CTNNA2: variants seen among roughly 807,000 people sequenced by gnomAD.
The protein encoded by CTNNA2 is catenin alpha 2.
In CTNNA2, 42 loss-of-function variants were observed where a neutral mutation model predicts 101.0. The ratio of observed to expected loss-of-function variants is 0.42; its 90% CI spans 0.32 to 0.54. CTNNA2 has a LOEUF of 0.54. Ranked by LOEUF, CTNNA2 falls within the 20% of genes least tolerant of loss-of-function variation. CTNNA2 has a pLI of 0.14. For missense variants in CTNNA2, 871 were observed against 1,223.1 expected (o/e 0.71, Z 4.29); for synonymous variants, 450 against 456.4 (o/e 0.99, Z 0.18).
intron 7 of CTNNA2, among the ~76,000 whole-genome samples, chr2:79,977,219 C>A: frequency 7.3e-6 from 1 of 137,318 alleles, no homozygotes; most frequent in East Asian, 2.1e-4. Context: ...CATGCATATG[C>A]ATGCACACAC....
intron 7 of CTNNA2, among the ~76,000 whole-genome samples, chr2:80,094,263 A>G (rs1699994405): frequency 6.6e-6 from 1 of 152,158 alleles, no homozygotes; most frequent in South Asian, 2.1e-4. Context: ...TAAATAGGGA[A>G]TCCTTTCCCC....
At chr2:80,418,119 G>A (rs1680198437) in intron 8 of CTNNA2, among the ~76,000 whole-genome samples, 1 of 152,132 alleles carries the variant, frequency 6.6e-6, no homozygotes, top group Non-Finnish European at 1.5e-5. Context: ...TGTTCTGGAA[G>A]AGAGCCACGG....
At chr2:80,427,899 G>T (rs1275775535) in intron 9 of CTNNA2, among the ~76,000 whole-genome samples, 1 of 152,202 alleles carries the variant, frequency 6.6e-6, no homozygotes, top group African/African-American at 2.4e-5. Flanking sequence ...TGCTCTCATG[G>T]GACATGCATT....
chr2:80,347,245 A>G (rs1001342972), intron 7 of CTNNA2, among the ~76,000 whole-genome samples: 9 of 152,212 alleles, frequency 5.9e-5, no homozygotes, highest in Non-Finnish European at 1.5e-5. Flanking sequence ...CGTGGGGATG[A>G]GTTGAATGTA....
intron 2 of CTNNA2, among the ~76,000 whole-genome samples, chr2:79,296,546 G>C (rs979263314): frequency 3.3e-5 from 5 of 151,998 alleles, no homozygotes; most frequent in Non-Finnish European, 5.9e-5. Flanking sequence ...ATGCACTCTA[G>C]CACCTACTAT....
At chr2:79,397,285 C>T (rs1678243478) in intron 4 of CTNNA2, among the ~76,000 whole-genome samples, 1 of 151,932 alleles carries the variant, frequency 6.6e-6, no homozygotes, top group African/African-American at 2.4e-5. Flanking sequence ...CTATAATTTC[C>T]CTACTATACT....
chr2:79,512,652 C>T (rs1199198942), upstream of CTNNA2, among the ~76,000 whole-genome samples: 1 of 151,906 alleles, frequency 6.6e-6, no homozygotes, highest in African/African-American at 2.4e-5. Context: ...GGTCCCCGCC[C>T]GCAGGGTAAC....
chr2:79,608,567 A>C (rs1178604458), intron 1 of CTNNA2, among the ~76,000 whole-genome samples: 1 of 152,068 alleles, frequency 6.6e-6, no homozygotes, highest in Non-Finnish European at 1.5e-5. Flanking sequence ...TATCATGACT[A>C]AGTGAGATTT....
intron 18 of CTNNA2, among the ~76,000 whole-genome samples, chr2:80,620,402 C>T (rs1393378091): frequency 1.3e-5 from 2 of 151,866 alleles, no homozygotes; most frequent in Non-Finnish European, 2.9e-5. Context: ...CAAAGTTATA[C>T]ACTTTTATAT....
intron 2 of CTNNA2, among the ~76,000 whole-genome samples, chr2:79,268,414 C>G (rs141991884): frequency 6.6e-5 from 10 of 152,198 alleles, no homozygotes; most frequent in Middle Eastern, 3.4e-3. Flanking sequence ...ATACCTCACC[C>G]CATGCACCTC....
At chr2:80,043,125 CCTTCCTTCCTTCCT>C (rs1696264855) in intron 7 of CTNNA2, among the ~76,000 whole-genome samples, 10 of 27,508 alleles carry the variant, frequency 3.6e-4, no homozygotes, top group South Asian at 1.2e-3. Context: ...CTTTCTCCTT[CCTTCCTTCCTTCCT>C]TCCTTCCTTC....
At chr2:79,394,781 A>T (rs1291664147) in intron 4 of CTNNA2, among the ~76,000 whole-genome samples, 1 of 97,918 alleles carries the variant, frequency 1.0e-5, no homozygotes, top group Admixed American at 1.0e-4. Flanking sequence ...CGTTTTACTT[A>T]AAAAAATTTT....
chr2:79,276,388 T>G (rs1388043569), intron 2 of CTNNA2, among the ~76,000 whole-genome samples: 1 of 152,246 alleles, frequency 6.6e-6, no homozygotes, highest in Middle Eastern at 3.4e-3. Flanking sequence ...TAATAGCTTT[T>G]GTTTGATCTA....
In CTNNA2 at chr2:79,778,631, C is replaced by T. The variant is rs192284627; in HGVS notation, c.298+34049C>T. Among the ~76,000 whole-genome samples, 41 of 152,090 alleles carry T rather than the reference C, an allele frequency of 2.7e-4. 1 individual carries two copies. The highest frequency in any genetic ancestry group is 1.4e-3 in the Admixed American group (22 of 15,270). On this transcript the variant is annotated intron_variant, in intron 3 of 18. Coordinates refer to ENST00000402739, the MANE Select transcript of CTNNA2 (RefSeq NM_001282597.3). ...CACACATATATACACACGTAACATACGTACTTTTTAAATACTTTGATATAT... is the reference window on the plus strand; with the variant it reads ...CACACATATATACACACGTAACATATGTACTTTTTAAATACTTTGATATAT...
rs2597320 is a variant in CTNNA2 at position 80,358,982 on chromosome 2, A to G, written c.1057-34229A>G. 1.4e-3 allele frequency among the ~76,000 whole-genome samples: 218 copies of G among 152,144 alleles called. 1 individual carries two copies. Among genetic ancestry groups the G allele is most frequent in the Non-Finnish European group, 2.3e-3 (157 of 67,996 alleles). On this transcript the variant is annotated intron_variant, in intron 7 of 18. Coordinates refer to ENST00000402739, the MANE Select transcript of CTNNA2 (RefSeq NM_001282597.3). ...CCATTCTATCCTATCACAGAAATTG[A>G]TTCTAAAGCAATATATTTTTAGAAT...
At chr2:79,860,549 T>TTTTTTGTTTTG (rs1553385374) in intron 4 of CTNNA2, among the ~76,000 whole-genome samples, 40 of 148,400 alleles carry the variant, frequency 2.7e-4, no homozygotes, top group Admixed American at 4.1e-4. Flanking sequence ...AAGGGAAGTT[T>TTTTTTGTTTTG]TTTTTTTTTT....
intron 7 of CTNNA2, among the ~76,000 whole-genome samples, chr2:80,268,741 A>G (rs553891013): frequency 6.6e-6 from 1 of 152,318 alleles, no homozygotes; most frequent in African/African-American, 2.4e-5. Flanking sequence ...TTGGTATGGG[A>G]TACATATGAC....
intron 7 of CTNNA2, among the ~76,000 whole-genome samples, chr2:79,926,103 T>A (rs1427985862): frequency 6.6e-6 from 1 of 152,156 alleles, no homozygotes; most frequent in Non-Finnish European, 1.5e-5. Flanking sequence ...ATACTGGCTG[T>A]ATAAAATCTC....
At chr2:79,374,520 A>ATATT (rs1553406553) in intron 4 of CTNNA2, among the ~76,000 whole-genome samples, 12 of 151,844 alleles carry the variant, frequency 7.9e-5, no homozygotes, top group African/African-American at 2.7e-4. Flanking sequence ...ATATATATAT[A>ATATT]TTTTTCTATT....
Sources: gnomAD v4.1 joint callset for allele counts (sites outside exome capture counted in the v4.1 genomes callset) on GRCh38, gnomAD v4.1.1 for gene constraint, MANE v1.5 for transcripts, NCBI Gene and HGNC (gene_info 2026-07-23, HGNC 2026-07-21) for gene names.